The following MITF variants were observed in gnomAD, a reference collection of about 807,000 sequenced individuals.
MITF encodes the protein microphthalmia-associated transcription factor.
A neutral mutation model predicts 60.5 loss-of-function variants in MITF; 17 were observed. The observed-to-expected ratio is 0.28, with a 90% CI of 0.19 to 0.42. MITF has a LOEUF of 0.42. Ranked by LOEUF, MITF falls within the 10% of genes least tolerant of loss-of-function variation. The probability of loss-of-function intolerance (pLI) is 1.00; values close to 1 mark genes in which losing one functional copy is unlikely to be tolerated. For missense variants in MITF, 622 were observed against 683.5 expected, an observed-to-expected ratio of 0.91 and a Z score of 1.00; for synonymous variants, 260 against 248.5, an observed-to-expected ratio of 1.05 and a Z score of -0.43.
chr3:69,952,635 C>A (rs1031922017), intron 7 of MITF, among the ~76,000 whole-genome samples: 2 of 152,006 alleles, frequency 1.3e-5, no homozygotes, highest in Non-Finnish European at 2.9e-5. Flanking sequence ...AGAATAAGGC[C>A]AGAGTTCCCC....
chr3:69,776,786 A>C (rs187050227), intron 1 of MITF, among the ~76,000 whole-genome samples: 2 of 152,328 alleles, frequency 1.3e-5, no homozygotes, highest in African/African-American at 4.8e-5. Context: ...AGGATTTGGA[A>C]CATGGAAAAT....
At chr3:69,869,049 G>A (rs928632886) in intron 1 of MITF, among the ~76,000 whole-genome samples, 3 of 152,102 alleles carry the variant, frequency 2.0e-5, no homozygotes, top group African/African-American at 7.2e-5. Flanking sequence ...GATCCCTAGA[G>A]CCCAGAGTTC....
intron 2 of MITF, among the ~76,000 whole-genome samples, chr3:69,918,019 T>C (rs2065376600): frequency 6.6e-6 from 1 of 152,128 alleles, no homozygotes; most frequent in Admixed American, 6.6e-5. Context: ...TTGCTCATCC[T>C]TTTCTCTAAA....
Position 69,869,624 on chromosome 3 carries a change from G to A in MITF, c.105-9510G>A, listed in dbSNP as rs191514290. ...CTCTAGTCAGCCTGGCCAGAGGTCT[G>A]AAAAGCCCTTCTGATACTGAATTCA... On this transcript the variant is annotated intron_variant, in intron 1 of 9. Coordinates refer to ENST00000352241, the MANE Select transcript of MITF (RefSeq NM_001354604.2). 2.7e-3 allele frequency among the ~76,000 whole-genome samples: 408 copies of A among 152,222 alleles called. 3 individuals are homozygous for A. The highest frequency in any genetic ancestry group is 9.3e-3 in the African/African-American group (388 of 41,524).
In MITF at chr3:69,877,451, TAA is replaced by T. The variant is rs34144592; in HGVS notation, c.105-1669_105-1668del. On this transcript the variant is annotated intron_variant, in intron 1 of 9. Transcript: ENST00000352241. ...TTGTTGTCATAGACAGTTTGTTTAT[TAA>T]AAAAAAAAAAAAACCTTGGATCTTA... Among the ~76,000 whole-genome samples, 65 of 139,960 alleles carry T rather than the reference TAA, an allele frequency of 4.6e-4. No individual in the cohort carries two copies. In the East Asian group the frequency reaches 9.5e-3, roughly 21 times the overall value. The allele number at this position is 139,960 out of a possible 152,430, so 91.8% of individuals were successfully genotyped here.
chr3:69,918,383 G>T (rs2065385231), intron 2 of MITF, among the ~76,000 whole-genome samples: 1 of 152,060 alleles, frequency 6.6e-6, no homozygotes, highest in Non-Finnish European at 1.5e-5. Context: ...TAATAAAATT[G>T]GTGTCTTTTC....
At chr3:69,962,241 T>G (rs2066568227) in intron 9 of MITF, among the ~76,000 whole-genome samples, 1 of 152,250 alleles carries the variant, frequency 6.6e-6, no homozygotes, top group South Asian at 2.1e-4. Context: ...GCCTAAGGGC[T>G]TTCTTTCATT....
At chr3:69,772,150 A>G (rs1411455500) in intron 1 of MITF, among the ~76,000 whole-genome samples, 4 of 152,130 alleles carry the variant, frequency 2.6e-5, no homozygotes, top group Admixed American at 2.0e-4. Context: ...TAAACTGCTT[A>G]TGTTAGTTTG....
intron 2 of MITF, among the ~76,000 whole-genome samples, chr3:69,914,778 C>G (rs1475071837): frequency 1.3e-5 from 2 of 152,128 alleles, no homozygotes; most frequent in Admixed American, 1.3e-4. Context: ...GAATCCTGAG[C>G]CTGACTTCTT....
At chr3:69,936,615 T>A in intron 2 of MITF, 5 of 1,568,864 alleles carry the variant, frequency 3.2e-6, no homozygotes, top group Non-Finnish European at 4.3e-6. Flanking sequence ...GATACCTTGT[T>A]TATAGTACCT....
intron 1 of MITF, among the ~76,000 whole-genome samples, chr3:69,798,672 A>G (rs1482085578): frequency 6.6e-6 from 1 of 152,196 alleles, no homozygotes; most frequent in Non-Finnish European, 1.5e-5. Flanking sequence ...AAAGACCCAA[A>G]TGGTCTGGCC....
intron 1 of MITF, among the ~76,000 whole-genome samples, chr3:69,833,417 C>T (rs62252218): frequency 0.2 from 23,113 of 116,720 alleles, 2,050 homozygotes; most frequent in Middle Eastern, 0.34. Context: ...GTGGTTTCCC[C>T]GTTTACACTG....
chr3:69,902,056 C>T (rs1258056369), intron 2 of MITF, among the ~76,000 whole-genome samples: 1 of 152,150 alleles, frequency 6.6e-6, no homozygotes, highest in Non-Finnish European at 1.5e-5. Flanking sequence ...CTCCAACTGG[C>T]AGTGGAGATG....
At chr3:69,848,904 A>C (rs185589287) in intron 1 of MITF, among the ~76,000 whole-genome samples, 22 of 151,950 alleles carry the variant, frequency 1.4e-4, no homozygotes, top group South Asian at 4.2e-4. Flanking sequence ...ATACAAAGGA[A>C]GGAATTTGAG....
intron 1 of MITF, among the ~76,000 whole-genome samples, chr3:69,842,650 A>G: frequency 6.6e-6 from 1 of 152,370 alleles, no homozygotes; most frequent in South Asian, 2.1e-4. Flanking sequence ...TCTTGAAGAC[A>G]GAATCACGCA....
intron 1 of MITF, among the ~76,000 whole-genome samples, chr3:69,761,335 T>C (rs75221300): frequency 6.6e-6 from 1 of 152,144 alleles, no homozygotes; most frequent in Non-Finnish European, 1.5e-5. Context: ...ATGAGGTAGA[T>C]AGGATCCCAT....
At chr3:69,830,366 C>T (rs938981352) in intron 1 of MITF, among the ~76,000 whole-genome samples, 3 of 152,134 alleles carry the variant, frequency 2.0e-5, no homozygotes, top group Middle Eastern at 3.2e-3. Context: ...AAAGCTCGGC[C>T]TGCTACCACG....
Position 69,879,952 on chromosome 3 carries a change from A to C in MITF, c.354+569A>C, listed in dbSNP as rs9833501. Among the ~76,000 whole-genome samples, 5 of 152,282 alleles carry C rather than the reference A, an allele frequency of 3.3e-5. No individual in the cohort carries two copies. In the South Asian group the frequency reaches 1.0e-3, roughly 32 times the overall value. On this transcript the variant is annotated intron_variant, in intron 2 of 9. Coordinates refer to ENST00000352241, the MANE Select transcript of MITF (RefSeq NM_001354604.2). ...GTAGAAACTGCAGGAGCTTGTTAGCATCATTCGATTAGGGACATATAGCTT... is the reference window on the plus strand; with the variant it reads ...GTAGAAACTGCAGGAGCTTGTTAGCCTCATTCGATTAGGGACATATAGCTT...
chr3:69,821,268 G>A lies in MITF; in HGVS notation c.105-57866G>A, dbSNP rs117777566. On this transcript the variant is annotated intron_variant, in intron 1 of 9. Transcript: ENST00000352241. ...ATGCTGTGCGTAGAAAATGCATTTG[G>A]GAGCATACACATTAAATGGGTTATA... Among the ~76,000 whole-genome samples, 91 of 152,140 alleles carry A rather than the reference G, an allele frequency of 6.0e-4. No homozygotes were observed. The East Asian group carries it at 0.015, about 25-fold the overall frequency.
Sources: gnomAD v4.1 joint callset for allele counts (sites outside exome capture counted in the v4.1 genomes callset) on GRCh38, gnomAD v4.1.1 for gene constraint, MANE v1.5 for transcripts, NCBI Gene and HGNC (gene_info 2026-07-23, HGNC 2026-07-21) for gene names.